Variants in ZNF836 observed in about 807,000 individuals in gnomAD.
ZNF836 encodes zinc finger protein 836.
In ZNF836, 12 loss-of-function variants were observed where a neutral mutation model predicts 7.4. That is an observed-to-expected ratio of 1.61 (90% CI 1.03 to 2.61). The LOEUF is 2.61. ZNF836 is among the 30% of genes most tolerant of loss of function. ZNF836 has a pLI of 0.00. For synonymous variants in ZNF836, 365 were observed against 382.6 expected, an observed-to-expected ratio of 0.95 and a Z score of 0.54; for missense variants, 998 against 1,126.2, an observed-to-expected ratio of 0.89 and a Z score of 1.63.
rs370106180 is a variant in ZNF836 at position 52,156,781 on chromosome 19, G to A, written c.902C>T (p.Pro301Leu). Residue 301 changes from proline (P) to leucine (L), a missense_variant, in exon 5 of 5, where the codon CCG becomes CTG. Coordinates refer to ENST00000682614, the MANE Select transcript of ZNF836 (RefSeq NM_001102657.3). The part of the protein sequence containing the change: ...NHRRSHTGEK[P>L]YKCNECGKSF... ...CTTGCCACATTCATTACATTTGTAC[G>A]GTTTCTCTCCAGTGTGACTTCTCCG... The A allele has an allele frequency of 1.2e-5, 19 of 1,613,954 alleles. No individual in the cohort carries two copies. The highest frequency in any genetic ancestry group is 3.3e-5 in the South Asian group (3 of 91,084).
rs1257122941 is a variant in ZNF836 at position 52,154,314 on chromosome 19, T to C, written c.*558A>G. On this transcript the variant is annotated 3_prime_UTR_variant, in exon 5 of 5. Transcript: ENST00000682614. ...ATCTGCCTGCTCCAACCTCCCTAAA[T>C]GCTGGGATTACAGGCATGACCCACC... Among the ~76,000 whole-genome samples, 1 of 151,744 alleles carries C rather than the reference T, an allele frequency of 6.6e-6. No individual in the cohort carries two copies. Among genetic ancestry groups the C allele is most frequent in the Non-Finnish European group, 1.5e-5 (1 of 67,956 alleles).
Position 52,154,987 on chromosome 19 carries a change from A to G in ZNF836, c.2696T>C (p.Phe899Ser), listed in dbSNP as rs764965447. Residue 899 changes from phenylalanine to serine, a missense_variant, in exon 5 of 5, where the codon TTC becomes TCC. Coordinates refer to ENST00000682614, the MANE Select transcript of ZNF836 (RefSeq NM_001102657.3). ...PYKCNECGKS[F>S]ISRSGLTKHQ... ...TTTAGTGAGGCCTGAGCGACTAATG[A>G]AAGATTTGCCACACTCATTACATTT... 1 of 1,611,642 alleles carries G rather than the reference A, an allele frequency of 6.2e-7. No homozygotes were observed. The highest frequency in any genetic ancestry group is 8.5e-7 in the Non-Finnish European group (1 of 1,178,618).
chr19:52,161,647 GA>G lies in ZNF836; in HGVS notation c.16-1057del, dbSNP rs1471346170. On this transcript the variant is annotated intron_variant, in intron 3 of 4. Coordinates refer to ENST00000682614, the MANE Select transcript of ZNF836 (RefSeq NM_001102657.3). The surrounding 1 kb of genome is among the most constrained non-coding windows in gnomAD (Gnocchi z 4.1). ...GGATTAAGTTTCAACATGAATTGTG[GA>G]GGAGAAAAAAAAAAAAAACTCAGAC... Among the ~76,000 whole-genome samples, 69 of 124,410 alleles carry G rather than the reference GA, an allele frequency of 5.5e-4. No individual in the cohort carries two copies. The highest frequency in any genetic ancestry group is 2.7e-3 in the African/African-American group (68 of 25,108). 81.6% of individuals were successfully genotyped at this position (124,410 alleles called of 152,430 possible). A position where few individuals can be genotyped will look rare whatever the true frequency, so the allele number is the denominator to read the frequency against.
At position 52,161,573 on chromosome 19, in the gene ZNF836, A is replaced by T. The variant is rs1354644477; in HGVS notation, c.16-982T>A. Among the ~76,000 whole-genome samples, 1 of 151,942 alleles carries T rather than the reference A, an allele frequency of 6.6e-6. No homozygotes were observed. The highest frequency in any genetic ancestry group is 1.5e-5 in the Non-Finnish European group (1 of 68,008). Reference sequence around the variant, plus strand: ...ATAAAGGCAGACTTCTCATGATCCAATCTCCTCCTAAAGGCCACGACTCAT... The same window carrying T: ...ATAAAGGCAGACTTCTCATGATCCATTCTCCTCCTAAAGGCCACGACTCAT... On this transcript the variant is annotated intron_variant, in intron 3 of 4. Coordinates refer to ENST00000682614, the MANE Select transcript of ZNF836 (RefSeq NM_001102657.3). This position sits in a 1 kb window ranked among gnomAD's most constrained non-coding sequence, Gnocchi z 4.1.
Position 52,160,364 on chromosome 19 carries a change from A to G in ZNF836, c.142+101T>C, listed in dbSNP as rs2089202240. ...TTTATTTGTGAGTCAACAAGGCTTC[A>G]GTCTCAGTCAAATAATGGAAGGGCT... On this transcript the variant is annotated intron_variant, in intron 4 of 4. Transcript: ENST00000682614. The G allele has an allele frequency of 4.1e-6, 6 of 1,447,928 alleles. No individual in the cohort carries two copies. The East Asian group carries it at 1.4e-4, about 33-fold the overall frequency. 89.7% of individuals were successfully genotyped at this position (1,447,928 alleles called of 1,614,324 possible).
At chr19:52,164,112 C>T (rs1460047633) in intron 3 of ZNF836, among the ~76,000 whole-genome samples, 3 of 150,374 alleles carry the variant, frequency 2.0e-5, no homozygotes, top group African/African-American at 2.4e-5. Context: ...GAGTAATGGC[C>T]GGGTGCAGTG....
chr19:52,168,049 T>C lies in ZNF836; in HGVS notation c.15+9A>G. ...GAGACAGAATGATCCACTAAGAATATCATTTTACCTGTGTAAGAGCCATCC... is the reference window on the plus strand; with the variant it reads ...GAGACAGAATGATCCACTAAGAATACCATTTTACCTGTGTAAGAGCCATCC... On this transcript the variant is annotated intron_variant, in intron 3 of 4. Transcript: ENST00000682614. 1 of 1,596,402 alleles carries C rather than the reference T, an allele frequency of 6.3e-7. No homozygotes were observed. Among genetic ancestry groups the C allele is most frequent in the South Asian group, 1.1e-5 (1 of 90,472 alleles).
At chr19:52,171,037 G>A (rs894321501) in intron 1 of ZNF836, 16 of 152,178 alleles carry the variant, frequency 1.1e-4, no homozygotes, top group African/African-American at 3.6e-4. Context: ...TCTCAGGACA[G>A]GGAGGGTCTG....
At position 52,155,687 on chromosome 19, in the gene ZNF836, A is replaced by G; in HGVS notation, c.1996T>C (p.Tyr666His). 6.2e-7 allele frequency: 1 copy of G among 1,614,196 alleles called. No homozygotes were observed. Among genetic ancestry groups the G allele is most frequent in the Non-Finnish European group, 8.5e-7 (1 of 1,180,032 alleles). The change falls in exon 5 of 5, where the codon TAC (tyrosine) becomes CAC (histidine). Residue 666 changes from tyrosine (Y) to histidine (H), a missense_variant. Transcript: ENST00000682614. ...GCTTTGCCACAATCATTACATTTGT[A>G]AGGTTTCTCTCCGGTATGAATTTTC... is the stretch of plus-strand genomic sequence containing the variant. The part of the protein sequence containing the change: ...HRKIHTGEKP[Y>H]KCNDCGKAYT...
At position 52,155,449 on chromosome 19, in the gene ZNF836, G is replaced by A. The variant is rs1488327708; in HGVS notation, c.2234C>T (p.Thr745Ile). 6.2e-7 allele frequency: 1 copy of A among 1,614,098 alleles called. No homozygotes were observed. The highest frequency in any genetic ancestry group is 2.2e-5 in the East Asian group (1 of 44,888). Residue 745 changes from threonine (T) to isoleucine (I), a missense_variant, in exon 5 of 5, where the codon ACT becomes ATT. Physicochemically the swap from Thr to Ile is moderately conservative, Grantham distance 89. Transcript: ENST00000682614. ...TGLTYHQRRH[T>I]GEMPYKCIEC... ...AATACATTTGTATGGCATCTCTCCA[G>A]TATGCCTTCTCTGATGGTACGTCAG...
In ZNF836 at chr19:52,156,466, G is replaced by C; in HGVS notation, c.1217C>G (p.Thr406Arg). 5 of 1,613,916 alleles carry C rather than the reference G, an allele frequency of 3.1e-6. No homozygotes were observed. The highest frequency in any genetic ancestry group is 4.2e-6 in the Non-Finnish European group (5 of 1,179,996). Residue 406 changes from threonine to arginine, a missense_variant, in exon 5 of 5, where the codon ACA becomes AGA. Coordinates refer to ENST00000682614, the MANE Select transcript of ZNF836 (RefSeq NM_001102657.3). ...GTAAGGTTTGTTTCCACTATGAACT[G>C]TCTGATGAGTTGCCAGGTTGGAACT... ...SQSSNLATHQ[T>R]VHSGNKPYKC... is the part of the protein sequence containing the mutation.
chr19:52,155,182 T>A lies in ZNF836; in HGVS notation c.2501A>T (p.Tyr834Phe), dbSNP rs1568568471. ...HQKMHTGDKP[Y>F]KCNECGKAFI... ...AGCTTTACCACATTCATTACATTTG[T>A]AAGGTTTGTCCCCAGTATGCATTTT... The change falls in exon 5 of 5, where the codon TAC (tyrosine) becomes TTC (phenylalanine). Residue 834 changes from tyrosine (Y) to phenylalanine (F), a missense_variant. Transcript: ENST00000682614. 3 of 1,614,150 alleles carry A rather than the reference T, an allele frequency of 1.9e-6. No homozygotes were observed. The highest frequency in any genetic ancestry group is 2.5e-6 in the Non-Finnish European group (3 of 1,180,002).
chr19:52,166,290 A>G (rs933432397), intron 3 of ZNF836, among the ~76,000 whole-genome samples: 5 of 151,752 alleles, frequency 3.3e-5, no homozygotes, highest in Non-Finnish European at 5.9e-5. Context: ...GCGCCTGGCC[A>G]ATGTCCTTTT....
rs766898300 is a variant in ZNF836 at position 52,156,983 on chromosome 19, T to A, written c.700A>T (p.Ile234Phe). Residue 234 changes from isoleucine to phenylalanine, a missense_variant, in exon 5 of 5, where the codon ATT (isoleucine) becomes TTT (phenylalanine). Ile to Phe is a conservative substitution (Grantham distance 21). Transcript: ENST00000682614. ...GKAFRVSSSL[I>F]NHQMVHTTEK... ...GTAGTATGTACCATCTGATGGTTAA[T>A]AAGACTTGAAGACACTCTAAAGGCT... is the stretch of plus-strand genomic sequence containing the variant. The A allele has an allele frequency of 3.1e-6, 5 of 1,614,058 alleles. No homozygotes were observed. In the African/African-American group the frequency reaches 6.7e-5, roughly 22 times the overall value.
chr19:52,166,489 G>A (rs570578759), intron 3 of ZNF836, among the ~76,000 whole-genome samples: 1 of 149,970 alleles, frequency 6.7e-6, no homozygotes, highest in African/African-American at 2.4e-5. Flanking sequence ...CTTTTTTTTT[G>A]ACAGGAACAG....
intron 3 of ZNF836, among the ~76,000 whole-genome samples, chr19:52,164,642 T>TA (rs1449114772): frequency 2.6e-5 from 4 of 151,544 alleles, no homozygotes; most frequent in Admixed American, 6.6e-5. Context: ...ACAAAAACTA[T>TA]AAAAAACAGA....
intron 2 of ZNF836, among the ~76,000 whole-genome samples, chr19:52,168,550 T>C (rs1470511687): frequency 6.7e-6 from 1 of 149,604 alleles, no homozygotes; most frequent in African/African-American, 2.4e-5. Flanking sequence ...ATCATGCCAC[T>C]GTGCTCCAGC....
rs1216131499 is a variant in ZNF836 at position 52,160,471 on chromosome 19, A to T, written c.136T>A (p.Phe46Ile). The T allele has an allele frequency of 6.2e-7, 1 of 1,614,188 alleles. No homozygotes were observed. Among genetic ancestry groups the T allele is most frequent in the South Asian group, 1.1e-5 (1 of 91,084 alleles). The change falls in exon 4 of 5, where the codon TTC becomes ATC. Residue 46 changes from phenylalanine (F) to isoleucine (I), a missense_variant. Phe to Ile is a conservative substitution (Grantham distance 21). Transcript: ENST00000682614. The part of the protein sequence containing the change: ...VMLENYRNLV[F>I]LGILPKCMTK... ...AGAGCAAAATTATCCTTACCCAGGAAGACCAGGTTCCTGTAGTTCTCCAAC... is the reference window on the plus strand; with the variant it reads ...AGAGCAAAATTATCCTTACCCAGGATGACCAGGTTCCTGTAGTTCTCCAAC...
At chr19:52,162,669 T>A (rs1412772568) in intron 3 of ZNF836, among the ~76,000 whole-genome samples, 1 of 151,930 alleles carries the variant, frequency 6.6e-6, no homozygotes, top group Admixed American at 6.6e-5. Flanking sequence ...TAACCAGAAG[T>A]GGGGGTGATT....
Sources: gnomAD v4.1 joint callset for allele counts (sites outside exome capture counted in the v4.1 genomes callset) on GRCh38, gnomAD v4.1.1 for gene constraint, Gnocchi (gnomAD v3.1) non-coding constraint, MANE v1.5 for transcripts, NCBI Gene and HGNC (gene_info 2026-07-23, HGNC 2026-07-21) for gene names.